Variants in RNF19B observed in about 807,000 individuals in gnomAD.
RNF19B encodes ring finger protein 19B, also known as E3 ubiquitin-protein ligase RNF19B.
RNF19B carries 23 observed loss-of-function variants against 65.5 expected under a neutral mutation model. The ratio of observed to expected loss-of-function variants is 0.35; its 90% CI spans 0.25 to 0.50. The LOEUF (loss-of-function observed/expected upper bound fraction) is 0.50, where lower values mean the gene tolerates loss of function less well. RNF19B is among the 20% of genes least tolerant of loss of function. The pLI is 0.98. For synonymous variants in RNF19B, 372 were observed against 379.6 expected, an observed-to-expected ratio of 0.98 and a Z score of 0.23; for missense variants, 794 against 980.0, an observed-to-expected ratio of 0.81 and a Z score of 2.53.
At chr1:32,951,802 C>CT (rs34519392) in intron 1 of RNF19B, among the ~76,000 whole-genome samples, 414 of 145,062 alleles carry the variant, frequency 2.9e-3, no homozygotes, top group Middle Eastern at 7.2e-3. Flanking sequence ...GACACATATT[C>CT]TTTTTTTTTT....
At chr1:32,930,671 G>C in the RNF19B span, among the ~76,000 whole-genome samples, 1 of 152,264 alleles carries the variant, frequency 6.6e-6, no homozygotes, top group Admixed American at 6.5e-5. Flanking sequence ...GCCTCCCAGA[G>C]TGCTGGGATT....
chr1:32,933,228 C>T (rs3845502), downstream of RNF19B, among the ~76,000 whole-genome samples: 8,220 of 151,880 alleles, frequency 0.054, 339 homozygotes, highest in Admixed American at 0.14. Flanking sequence ...GGAAATTAAA[C>T]TTTCTCCATT....
chr1:32,940,106 G>C (rs1422150253), intron 7 of RNF19B, among the ~76,000 whole-genome samples: 1 of 152,182 alleles, frequency 6.6e-6, no homozygotes, highest in African/African-American at 2.4e-5. Flanking sequence ...AGGGAAATGA[G>C]GGAATGCAAT....
chr1:32,951,069 C>T (rs1642485170), intron 1 of RNF19B, among the ~76,000 whole-genome samples: 1 of 151,524 alleles, frequency 6.6e-6, no homozygotes, highest in South Asian at 2.1e-4. Flanking sequence ...GATCTCTTGA[C>T]CTTATGATCC....
At position 32,942,494 on chromosome 1, in the gene RNF19B, C is replaced by T. The variant is rs1642260637; in HGVS notation, c.1403-35G>A. On this transcript the variant is annotated intron_variant, in intron 6 of 8. Coordinates refer to ENST00000235150, the MANE Select transcript of RNF19B (RefSeq NM_001300826.2). ...GAACCAAACATCCAATTCAAGACAGCAGAGCATCAAAACAGTCAGTAGGCA... is the reference window on the plus strand; with the variant it reads ...GAACCAAACATCCAATTCAAGACAGTAGAGCATCAAAACAGTCAGTAGGCA... 3.8e-6 allele frequency: 6 copies of T among 1,574,942 alleles called. No homozygotes were observed. The African/African-American group carries it at 6.7e-5, about 18-fold the overall frequency.
chr1:32,955,759 AAAAAAG>A (rs1416228660), intron 1 of RNF19B, among the ~76,000 whole-genome samples: 2 of 151,770 alleles, frequency 1.3e-5, no homozygotes, highest in African/African-American at 4.8e-5. Flanking sequence ...AAAAAAAAAA[AAAAAAG>A]AAAAGAAAAT....
chr1:32,946,414 A>G lies in RNF19B; in HGVS notation c.1134T>C (p.Tyr378=), dbSNP rs747984301. ...ATGTCTTTCTTACCTTCCTTCCAAC[A>G]TAAACAGGAATGCCAATGACCATGG... is the stretch of plus-strand genomic sequence containing the variant. ...IPAMVIGIPV[Y]VGRKIHSRYE... Residue 378 remains tyrosine, a synonymous_variant, in exon 4 of 9, where the codon TAT becomes TAC. Coordinates refer to ENST00000235150, the MANE Select transcript of RNF19B (RefSeq NM_001300826.2). 3 of 1,614,022 alleles carry G rather than the reference A, an allele frequency of 1.9e-6. No homozygotes were observed. Among genetic ancestry groups the G allele is most frequent in the South Asian group, 2.2e-5 (2 of 91,068 alleles).
chr1:32,950,925 C>T (rs1005087042), intron 1 of RNF19B, among the ~76,000 whole-genome samples: 12 of 151,728 alleles, frequency 7.9e-5, no homozygotes, highest in Non-Finnish European at 1.3e-4. Flanking sequence ...CTGCAACCTC[C>T]GCCTCCCGGG....
Position 32,964,382 on chromosome 1 carries a change from C to G in RNF19B, c.304G>C (p.Asp102His), listed in dbSNP as rs1432253984. The G allele has an allele frequency of 3.7e-6, 5 of 1,356,182 alleles. No individual in the cohort carries two copies. The highest frequency in any genetic ancestry group is 1.5e-5 in the African/African-American group (1 of 66,002). 84.0% of individuals were successfully genotyped at this position (1,356,182 alleles called of 1,614,324 possible). A position where few individuals can be genotyped will look rare whatever the true frequency, so the allele number is the denominator to read the frequency against. The change falls in exon 1 of 9, where the codon GAC becomes CAC. Residue 102 changes from aspartate to histidine, a missense_variant. Coordinates refer to ENST00000235150, the MANE Select transcript of RNF19B (RefSeq NM_001300826.2). This position sits in a 1 kb window ranked among gnomAD's most constrained non-coding sequence, Gnocchi z 6.5. ...AAAAAAEPGFDDEEAAEGGGP... is the reference protein window; with the variant it reads ...AAAAAAEPGFHDEEAAEGGGP... ...CCGCCCTCCGCCGCCTCCTCATCGT[C>G]GAACCCAGGCTCCGCCGCCGCCGCC...
At position 32,961,961 on chromosome 1, in the gene RNF19B, C is replaced by G. The variant is rs1376210483; in HGVS notation, c.635+2090G>C. Among the ~76,000 whole-genome samples the G allele has an allele frequency of 3.3e-5, 5 of 151,612 alleles. No individual in the cohort carries two copies. In the East Asian group the frequency reaches 9.6e-4, roughly 29 times the overall value. On this transcript the variant is annotated intron_variant, in intron 1 of 8. Coordinates refer to ENST00000235150, the MANE Select transcript of RNF19B (RefSeq NM_001300826.2). Reference sequence around the variant, plus strand: ...AGTTAATGTACTATTCCAAAATTAACTATGCAGTGTTTTGTTTTTTTTTTT... The same window carrying G: ...AGTTAATGTACTATTCCAAAATTAAGTATGCAGTGTTTTGTTTTTTTTTTT...
At chr1:32,958,864 TCTC>T (rs1286975910) in intron 1 of RNF19B, among the ~76,000 whole-genome samples, 1 of 152,122 alleles carries the variant, frequency 6.6e-6, no homozygotes, top group Non-Finnish European at 1.5e-5. Flanking sequence ...ATACAGATGT[TCTC>T]CTTTAGTACA....
chr1:32,937,232 C>G lies in RNF19B; in HGVS notation c.1770G>C (p.Val590=), dbSNP rs1642128529. 1 of 1,613,918 alleles carries G rather than the reference C, an allele frequency of 6.2e-7. No individual in the cohort carries two copies. Among genetic ancestry groups the G allele is most frequent in the African/African-American group, 1.3e-5 (1 of 74,900 alleles). Reference sequence around the variant, plus strand: ...AGTGGCTTGGTTTGGCTTCAATGTCCACTTGGATTTCCATATTGTTGCATT... The same window carrying G: ...AGTGGCTTGGTTTGGCTTCAATGTCGACTTGGATTTCCATATTGTTGCATT... ...DRECNNMEIQ[V]DIEAKPSHYQ... The change falls in exon 9 of 9, where the codon GTG becomes GTC. Residue 590 remains valine (V), a synonymous_variant. Coordinates refer to ENST00000235150, the MANE Select transcript of RNF19B (RefSeq NM_001300826.2).
intron 2 of RNF19B, 69 bp downstream of exon 2, chr1:32,949,500 T>A: frequency 7.3e-7 from 1 of 1,369,496 alleles, no homozygotes; most frequent in Non-Finnish European, 1.0e-6. Context: ...ATAAGATAAT[T>A]TCTTTCAGCT....
At chr1:32,932,431 C>T (rs1642038393), downstream of RNF19B, among the ~76,000 whole-genome samples, 1 of 152,198 alleles carries the variant, frequency 6.6e-6, no homozygotes, top group African/African-American at 2.4e-5. Context: ...CCTTCCACAT[C>T]TTGTTTGTGC....
At chr1:32,930,950 T>C in the RNF19B span, among the ~76,000 whole-genome samples, 1 of 152,116 alleles carries the variant, frequency 6.6e-6, no homozygotes, top group Admixed American at 6.5e-5. Flanking sequence ...TAGCCAGGTG[T>C]GCTGGCATGA....
At chr1:32,954,546 C>T (rs1229169716) in intron 1 of RNF19B, among the ~76,000 whole-genome samples, 1 of 151,702 alleles carries the variant, frequency 6.6e-6, no homozygotes, top group Non-Finnish European at 1.5e-5. Context: ...CAAGACCAGC[C>T]TGGCCAACAT....
At position 32,964,416 on chromosome 1, in the gene RNF19B, C is replaced by CGCCTCG. The variant is rs1184731431; in HGVS notation, c.264_269dup (p.Glu91_Ala92dup). 162 of 1,235,742 alleles carry CGCCTCG rather than the reference C, an allele frequency of 1.3e-4. No individual in the cohort carries two copies. In the African/African-American group the frequency reaches 2.2e-3, roughly 16 times the overall value. 76.5% of individuals were successfully genotyped at this position (1,235,742 alleles called of 1,614,324 possible). The stretch of plus-strand genomic sequence containing the variant: ...GCTCCGCCGCCGCCGCCGCGGCCTC[C>CGCCTCG]GCCTCGGCCTCGGCGGCCGGCTCGG... On this transcript the variant is annotated inframe_insertion, in exon 1 of 9. Transcript: ENST00000235150. This position sits in a 1 kb window ranked among gnomAD's most constrained non-coding sequence, Gnocchi z 6.5.
intron 3 of RNF19B, among the ~76,000 whole-genome samples, chr1:32,946,995 C>T (rs138315372): frequency 6.6e-6 from 1 of 152,188 alleles, no homozygotes; most frequent in Non-Finnish European, 1.5e-5. Flanking sequence ...ATAGATACTG[C>T]AAACCATGTT....
At chr1:32,960,431 A>G (rs993211394) in intron 1 of RNF19B, among the ~76,000 whole-genome samples, 6 of 152,156 alleles carry the variant, frequency 3.9e-5, no homozygotes, top group African/African-American at 1.2e-4. Flanking sequence ...GTGTTTATCA[A>G]TGACCTCTAC....
Sources: gnomAD v4.1 joint callset for allele counts (sites outside exome capture counted in the v4.1 genomes callset) on GRCh38, gnomAD v4.1.1 for gene constraint, Gnocchi (gnomAD v3.1) non-coding constraint, MANE v1.5 for transcripts, NCBI Gene and HGNC (gene_info 2026-07-23, HGNC 2026-07-21) for gene names.